Variants in TRIM55 observed in about 807,000 individuals in gnomAD.
TRIM55 encodes tripartite motif containing 55.
In TRIM55, 50 loss-of-function variants were observed where a neutral mutation model predicts 60.9. That is an observed-to-expected ratio of 0.82 (90% CI 0.65 to 1.04). The LOEUF is 1.04. Ranked by LOEUF, TRIM55 falls within the 50% of genes least tolerant of loss-of-function variation. The probability of loss-of-function intolerance (pLI) is 0.00; values close to 1 mark genes in which losing one functional copy is unlikely to be tolerated. For missense variants in TRIM55, 681 were observed against 666.9 expected, an observed-to-expected ratio of 1.02 and a Z score of -0.23; for synonymous variants, 237 against 238.1, an observed-to-expected ratio of 1.00 and a Z score of 0.04.
intron 8 of TRIM55, 55 bp from the exon 9 acceptor site, chr8:66,153,992 T>A (rs923240695): frequency 6.6e-7 from 1 of 1,524,200 alleles, no homozygotes; most frequent in Non-Finnish European, 8.8e-7. Context: ...CTGCTTTTTC[T>A]TCTTCTTCTT....
intron 4 of TRIM55, among the ~76,000 whole-genome samples, chr8:66,139,905 T>G (rs910646272): frequency 1.3e-5 from 2 of 152,230 alleles, no homozygotes; most frequent in Admixed American, 1.3e-4. Context: ...CCATGTAACA[T>G]TTTGGTCAAT....
chr8:66,145,677 T>G (rs2128978369), intron 4 of TRIM55, among the ~76,000 whole-genome samples: 1 of 152,196 alleles, frequency 6.6e-6, no homozygotes, highest in South Asian at 2.1e-4. Flanking sequence ...TTTTCTCTTT[T>G]GGAGGTGGAG....
intron 4 of TRIM55, among the ~76,000 whole-genome samples, chr8:66,144,834 G>A (rs1357061846): frequency 6.6e-6 from 1 of 152,206 alleles, no homozygotes; most frequent in African/African-American, 2.4e-5. Flanking sequence ...TCATGCTTTT[G>A]TAGGTAACAA....
intron 3 of TRIM55, 86 bp from the exon 4 acceptor site, chr8:66,137,009 C>A (rs1010841032): frequency 8.0e-6 from 9 of 1,124,252 alleles, no homozygotes; most frequent in African/African-American, 1.6e-5. Flanking sequence ...AAATTAAGAA[C>A]CTGTAAAGAC....
intron 2 of TRIM55, among the ~76,000 whole-genome samples, chr8:66,130,754 A>G (rs370293197): frequency 6.9e-6 from 1 of 145,082 alleles, no homozygotes; most frequent in South Asian, 2.1e-4. Flanking sequence ...TCTGCCTCCC[A>G]GGTTCACGCC....
At chr8:66,157,511 C>T (rs1417233030) in intron 9 of TRIM55, among the ~76,000 whole-genome samples, 1 of 152,190 alleles carries the variant, frequency 6.6e-6, no homozygotes, top group Non-Finnish European at 1.5e-5. Flanking sequence ...GCTAGAATTT[C>T]ACATTTCATC....
intron 9 of TRIM55, among the ~76,000 whole-genome samples, chr8:66,166,770 C>T (rs1412197594): frequency 6.6e-6 from 1 of 152,142 alleles, no homozygotes; most frequent in Non-Finnish European, 1.5e-5. Flanking sequence ...AGCTTGTTGC[C>T]TTTTGATCTC....
At chr8:66,156,958 C>G (rs1328224747) in intron 9 of TRIM55, among the ~76,000 whole-genome samples, 4 of 152,168 alleles carry the variant, frequency 2.6e-5, no homozygotes, top group African/African-American at 9.7e-5. Flanking sequence ...ATGTATTGGC[C>G]ATGGACTCAG....
intron 9 of TRIM55, among the ~76,000 whole-genome samples, chr8:66,172,987 A>G (rs182485443): frequency 1.3e-5 from 2 of 152,258 alleles, no homozygotes; most frequent in Non-Finnish European, 2.9e-5. Context: ...TTGTTTGTTT[A>G]TTAGCCAGGG....
chr8:66,134,854 TG>T, intron 2 of TRIM55, 135 bp from the exon 3 acceptor site: 1 of 913,320 alleles, frequency 1.1e-6, no homozygotes. Flanking sequence ...AAAGGGCCCC[TG>T]GGGGTCTTCT....
At chr8:66,114,260 C>T in the TRIM55 span, among the ~76,000 whole-genome samples, 1 of 152,128 alleles carries the variant, frequency 6.6e-6, no homozygotes, top group Non-Finnish European at 1.5e-5. Context: ...CCGCATCCTC[C>T]AGTTTTCCTT....
chr8:66,137,573 G>A (rs1042852028), intron 4 of TRIM55, among the ~76,000 whole-genome samples: 5 of 152,162 alleles, frequency 3.3e-5, no homozygotes, highest in Admixed American at 1.3e-4. Context: ...GTCATAGGCA[G>A]GTTTGAGCTG....
chr8:66,115,100 C>T, the TRIM55 span: 10 of 154,918 alleles, frequency 6.5e-5, no homozygotes, highest in South Asian at 1.9e-4. Context: ...GAAGCCACCG[C>T]GCAGTTCTTA....
chr8:66,166,774 T>G (rs1167753578), intron 9 of TRIM55, among the ~76,000 whole-genome samples: 1 of 152,220 alleles, frequency 6.6e-6, no homozygotes, highest in African/African-American at 2.4e-5. Context: ...TGTTGCCTTT[T>G]GATCTCTCGT....
At chr8:66,172,515 A>T (rs974624861) in intron 9 of TRIM55, among the ~76,000 whole-genome samples, 1 of 152,248 alleles carries the variant, frequency 6.6e-6, no homozygotes. Context: ...ATGGAAGTGT[A>T]AGAGAAGCCA....
Position 66,154,350 on chromosome 8 carries a change from C to A in TRIM55, c.1524+16C>A, listed in dbSNP as rs373755935. ...TACTTCTCAGGTTAGTGATGATGCACTTGTGTCTATGCTTTCCCGCGCCCC... is the reference window on the plus strand; with the variant it reads ...TACTTCTCAGGTTAGTGATGATGCAATTGTGTCTATGCTTTCCCGCGCCCC... On this transcript the variant is annotated intron_variant, in intron 9 of 9. Transcript: ENST00000315962. 6.2e-7 allele frequency: 1 copy of A among 1,611,742 alleles called. No individual in the cohort carries two copies. The highest frequency in any genetic ancestry group is 8.5e-7 in the Non-Finnish European group (1 of 1,178,230).
the TRIM55 span, among the ~76,000 whole-genome samples, chr8:66,113,946 T>A: frequency 6.6e-6 from 1 of 151,712 alleles, no homozygotes; most frequent in Admixed American, 6.6e-5. Context: ...AATGACACAA[T>A]GTTATGGAGA....
At chr8:66,126,544 A>G (rs1036130340), upstream of TRIM55, among the ~76,000 whole-genome samples, 1 of 152,222 alleles carries the variant, frequency 6.6e-6, no homozygotes, top group East Asian at 1.9e-4. Context: ...TTTATTTATT[A>G]GGTGGATACC....
At chr8:66,145,654 G>A (rs1428481652) in intron 4 of TRIM55, among the ~76,000 whole-genome samples, 1 of 151,286 alleles carries the variant, frequency 6.6e-6, no homozygotes, top group African/African-American at 2.5e-5. Context: ...AGTGAATTTG[G>A]GTTTTGTTTT....
Sources: allele counts gnomAD v4.1 joint callset (sites outside exome capture counted in the v4.1 genomes callset), GRCh38; gene constraint gnomAD v4.1.1; transcripts MANE v1.5; gene names NCBI Gene and HGNC (gene_info 2026-07-23, HGNC 2026-07-21).